Variants in ELAVL1 observed in about 807,000 individuals in gnomAD.
ELAVL1 encodes the protein ELAV like RNA binding protein 1.
A neutral mutation model predicts 28.4 loss-of-function variants in ELAVL1; 1 was observed. The observed-to-expected ratio is 0.04, with a 90% CI of 0.01 to 0.17. ELAVL1 has a LOEUF of 0.17. Among genes scored for constraint, ELAVL1 ranks in the 10% least tolerant of loss-of-function variants. ELAVL1 has a pLI of 1.00. For missense variants in ELAVL1, 157 were observed against 447.2 expected (o/e 0.35, Z 5.85); for synonymous variants, 174 against 183.5 (o/e 0.95, Z 0.42).
At chr19:7,992,486 A>G (rs1985777811) in intron 1 of ELAVL1, among the ~76,000 whole-genome samples, 1 of 152,224 alleles carries the variant, frequency 6.6e-6, no homozygotes, top group African/African-American at 2.4e-5. Flanking sequence ...CTTTAAATGT[A>G]TACTGTTAAG....
intron 3 of ELAVL1, among the ~76,000 whole-genome samples, chr19:7,974,143 C>G (rs1368117895): frequency 6.6e-6 from 1 of 152,248 alleles, no homozygotes; most frequent in African/African-American, 2.4e-5. Context: ...TGTCACAAAG[C>G]CCAGCAACTG....
At chr19:7,984,746 G>A (rs896473438) in intron 2 of ELAVL1, among the ~76,000 whole-genome samples, 8 of 152,226 alleles carry the variant, frequency 5.3e-5, no homozygotes, top group African/African-American at 1.9e-4. Flanking sequence ...AGGCAGGTGA[G>A]GGATGAAGGT....
At chr19:7,972,826 T>A in intron 4 of ELAVL1, 1 of 142,094 alleles carries the variant, frequency 7.0e-6, no homozygotes, top group Admixed American at 7.2e-5. Flanking sequence ...TTTTTTTTTT[T>A]TTTGAGATGA....
intron 4 of ELAVL1, among the ~76,000 whole-genome samples, chr19:7,969,865 G>A (rs1985058595): frequency 6.6e-6 from 1 of 152,046 alleles, no homozygotes; most frequent in African/African-American, 2.4e-5. Context: ...GGGCAGGAGG[G>A]ATGCTGTTTA....
At chr19:7,990,733 G>A (rs1369775740) in intron 2 of ELAVL1, among the ~76,000 whole-genome samples, 1 of 152,132 alleles carries the variant, frequency 6.6e-6, no homozygotes, top group Non-Finnish European at 1.5e-5. Flanking sequence ...GCCCCGAGAG[G>A]ACTGGCCGCT....
Position 7,976,840 on chromosome 19 carries a change from AT to A in ELAVL1, c.277-2963del, listed in dbSNP as rs764204939. On this transcript the variant is annotated intron_variant, in intron 3 of 5. Transcript: ENST00000407627. ...CGTTGATCATGACCTGACACGCTAC[AT>A]TTTTTTTTTTTTTTTTTAGTTTTTT... is the stretch of plus-strand genomic sequence containing the variant. Among the ~76,000 whole-genome samples the A allele has an allele frequency of 5.8e-3, 767 of 132,894 alleles. 2 individuals are homozygous for A. The highest frequency in any genetic ancestry group is 0.016 in the South Asian group (67 of 4,144). 87.2% of individuals were successfully genotyped at this position (132,894 alleles called of 152,430 possible).
chr19:7,995,446 TG>T (rs1218834297), intron 1 of ELAVL1, among the ~76,000 whole-genome samples: 1 of 152,178 alleles, frequency 6.6e-6, no homozygotes, highest in African/African-American at 2.4e-5. Context: ...CCTCTAGGTC[TG>T]GGAAAAGTGG....
chr19:7,990,864 C>T (rs1328769498), intron 2 of ELAVL1, among the ~76,000 whole-genome samples: 5 of 152,156 alleles, frequency 3.3e-5, no homozygotes, highest in Admixed American at 2.0e-4. Flanking sequence ...CGCACATGGT[C>T]TGTCCGTAAT....
intron 1 of ELAVL1, among the ~76,000 whole-genome samples, chr19:8,004,203 G>T (rs1465695460): frequency 6.6e-6 from 1 of 152,194 alleles, no homozygotes; most frequent in African/African-American, 2.4e-5. Context: ...CATTTATTCA[G>T]TGCCTACCAG....
intron 4 of ELAVL1, among the ~76,000 whole-genome samples, chr19:7,968,694 T>A (rs777132722): frequency 1.3e-5 from 2 of 152,220 alleles, no homozygotes; most frequent in Non-Finnish European, 2.9e-5. Flanking sequence ...CTGAGGACCG[T>A]CCTGCTATGG....
rs368323875 is a variant in ELAVL1, at chr19:7,998,966, A to G, written c.-17+6529T>C. 5.9e-5 allele frequency among the ~76,000 whole-genome samples: 9 copies of G among 151,892 alleles called. No individual in the cohort carries two copies. In the East Asian group the frequency reaches 1.7e-3, roughly 29 times the overall value. ...CTGATTTTTAAATTTTTTTAGAGAC[A>G]GGGGTCTCATTTTGTTGCCCATGCT... On this transcript the variant is annotated intron_variant, in intron 1 of 5. Transcript: ENST00000407627.
At position 7,973,619 on chromosome 19, in the gene ELAVL1, G is replaced by A. The variant is rs112444904; in HGVS notation, c.430+106C>T. On this transcript the variant is annotated intron_variant, in intron 4 of 5. Transcript: ENST00000407627. Reference sequence around the variant, plus strand: ...TCATTTTGGTGCTGTCCTCGTTTGCGGAATAACTAATGACATTTAAAATCA... The same window carrying A: ...TCATTTTGGTGCTGTCCTCGTTTGCAGAATAACTAATGACATTTAAAATCA... 2.2e-4 allele frequency: 311 copies of A among 1,393,504 alleles called. 1 individual carries two copies. In the African/African-American group the frequency reaches 3.3e-3, roughly 15 times the overall value. The allele number at this position is 1,393,504 out of a possible 1,614,324, so 86.3% of individuals were successfully genotyped here.
chr19:7,983,415 A>G (rs539113586), intron 2 of ELAVL1, among the ~76,000 whole-genome samples: 1 of 152,314 alleles, frequency 6.6e-6, no homozygotes, highest in South Asian at 2.1e-4. Flanking sequence ...TGACACACTC[A>G]GCACACGTAC....
At chr19:7,989,236 G>A (rs1221748752) in intron 2 of ELAVL1, among the ~76,000 whole-genome samples, 1 of 152,162 alleles carries the variant, frequency 6.6e-6, no homozygotes, top group Non-Finnish European at 1.5e-5. Flanking sequence ...GGCAGGCTGA[G>A]CAAAGCCAGG....
intron 1 of ELAVL1, among the ~76,000 whole-genome samples, chr19:7,998,247 G>T (rs1156454882): frequency 6.6e-6 from 1 of 152,062 alleles, no homozygotes; most frequent in African/African-American, 2.4e-5. Flanking sequence ...AACCACAACT[G>T]GGCCTTGTCA....
At chr19:8,003,926 AG>A (rs1413167976) in intron 1 of ELAVL1, among the ~76,000 whole-genome samples, 1 of 152,126 alleles carries the variant, frequency 6.6e-6, no homozygotes, top group African/African-American at 2.4e-5. Context: ...AGTGCCCTGG[AG>A]CCTTGTGATT....
At chr19:7,990,351 T>C (rs79814508) in intron 2 of ELAVL1, among the ~76,000 whole-genome samples, 1 of 150,824 alleles carries the variant, frequency 6.6e-6, no homozygotes. Flanking sequence ...TTTTTTTTTT[T>C]TGAGACAAGG....
At position 7,993,110 on chromosome 19, in the gene ELAVL1, T is replaced by G. The variant is rs1175740072; in HGVS notation, c.-16-1279A>C. Among the ~76,000 whole-genome samples, 3 of 152,214 alleles carry G rather than the reference T, an allele frequency of 2.0e-5. No individual in the cohort carries two copies. The East Asian group carries it at 5.8e-4, about 29-fold the overall frequency. On this transcript the variant is annotated intron_variant, in intron 1 of 5. Coordinates refer to ENST00000407627, the MANE Select transcript of ELAVL1 (RefSeq NM_001419.3). ...AAATTTTATTCAGTCAATACTTCATTGTAATGCTACAGAACGAGTGTTCTC... is the reference window on the plus strand; with the variant it reads ...AAATTTTATTCAGTCAATACTTCATGGTAATGCTACAGAACGAGTGTTCTC...
chr19:7,996,251 C>T (rs1019865523), intron 1 of ELAVL1, among the ~76,000 whole-genome samples: 4 of 151,040 alleles, frequency 2.6e-5, no homozygotes, highest in Admixed American at 6.6e-5. Context: ...GCATGATCTC[C>T]GCTCACTGCA....
Sources: allele counts gnomAD v4.1 joint callset (sites outside exome capture counted in the v4.1 genomes callset), GRCh38; gene constraint gnomAD v4.1.1; transcripts MANE v1.5; gene names NCBI Gene and HGNC (gene_info 2026-07-23, HGNC 2026-07-21).